POSTN: variants seen among roughly 807,000 people sequenced by gnomAD.
POSTN encodes osteoblast specific factor 2 (fasciclin I-like).
Under a neutral mutation model 104.5 loss-of-function variants are expected in POSTN, and 71 were observed. The observed-to-expected ratio is 0.68, with a 90% CI of 0.56 to 0.83. POSTN has a LOEUF of 0.83. Among genes scored for constraint, POSTN ranks in the 40% least tolerant of loss-of-function variants. The probability of loss-of-function intolerance (pLI) is 0.00; values close to 1 mark genes in which losing one functional copy is unlikely to be tolerated. For synonymous variants in POSTN, 355 were observed against 340.7 expected, an observed-to-expected ratio of 1.04 and a Z score of -0.46; for missense variants, 949 against 1,006.8, an observed-to-expected ratio of 0.94 and a Z score of 0.78.
rs774768214 is a variant in POSTN at position 37,579,860 on chromosome 13, C to T, written c.1660+1G>A. The T allele has an allele frequency of 8.1e-6, 13 of 1,606,898 alleles. No homozygotes were observed. Among genetic ancestry groups the T allele is most frequent in the African/African-American group, 5.4e-5 (4 of 74,468 alleles). ...AATATCTGGAATTCACTTCCACTTA[C>T]GTATCAGAATTTCTTTTTCTTCACT... On this transcript the variant is annotated splice_donor_variant, in intron 12 of 22. Coordinates refer to ENST00000379747, the MANE Select transcript of POSTN (RefSeq NM_006475.3). LOFTEE classifies it high-confidence loss of function.
At chr13:37,590,328 A>G in intron 4 of POSTN, 44 bp downstream of exon 4, 4 of 1,435,482 alleles carry the variant, frequency 2.8e-6, no homozygotes, top group Non-Finnish European at 3.8e-6. Flanking sequence ...ATGAAATAAC[A>G]ATAACAGCAA....
chr13:37,590,403 G>T lies in POSTN; in HGVS notation c.410C>A (p.Pro137Gln). 1.3e-6 allele frequency: 2 copies of T among 1,597,718 alleles called. No individual in the cohort carries two copies. The highest frequency in any genetic ancestry group is 1.7e-6 in the Non-Finnish European group (2 of 1,171,008). ...EGKGSFTYFAPSNEAWDNLDS... is the reference protein window; with the variant it reads ...EGKGSFTYFAQSNEAWDNLDS... Reference sequence around the variant, plus strand: ...CAAGTTGTCCCAAGCCTCATTACTCGGTGCAAAGTAAGTGAAGGATCCCTT... The same window carrying T: ...CAAGTTGTCCCAAGCCTCATTACTCTGTGCAAAGTAAGTGAAGGATCCCTT... The change falls in exon 4 of 23, where the codon CCG becomes CAG. Residue 137 changes from proline (P) to glutamine (Q), a missense_variant. Physicochemically the swap from Pro to Gln is moderately conservative, Grantham distance 76. Transcript: ENST00000379747.
chr13:37,591,996 G>T, intron 3 of POSTN, 104 bp downstream of exon 3: 2 of 658,262 alleles, frequency 3.0e-6, no homozygotes, highest in Admixed American at 5.5e-5. Flanking sequence ...CTTGGATTTA[G>T]GATGGTGCTG....
intron 2 of POSTN, among the ~76,000 whole-genome samples, chr13:37,593,071 GTTTAT>G (rs1294329780): frequency 9.3e-5 from 14 of 150,840 alleles, no homozygotes; most frequent in Admixed American, 3.3e-4. Flanking sequence ...ATCTAAGTAA[GTTTAT>G]TTTAATATTA....
chr13:37,580,644 G>A lies in POSTN; in HGVS notation c.1446C>T (p.Asn482=), dbSNP rs147888983. 1.2e-6 allele frequency: 2 copies of A among 1,613,976 alleles called. No homozygotes were observed. Among genetic ancestry groups the A allele is most frequent in the Non-Finnish European group, 1.7e-6 (2 of 1,179,946 alleles). ...TCTCGCGGAATATGTGAATCGCACC[G>A]TTTCTCCCTTGCTTACTCCCTTTCT... ...CMEKGSKQGR[N]GAIHIFREII... Residue 482 remains asparagine (N), a synonymous_variant, in exon 11 of 23, where the codon AAC becomes AAT. Transcript: ENST00000379747.
chr13:37,577,843 G>A (rs1950458752), intron 15 of POSTN, 45 bp from the exon 16 acceptor site: 7 of 1,609,674 alleles, frequency 4.3e-6, no homozygotes, highest in Non-Finnish European at 5.1e-6. Context: ...GGTGATAGTT[G>A]TGTTAACAAA....
At chr13:37,578,433 T>G (rs1372400974) in intron 15 of POSTN, among the ~76,000 whole-genome samples, 1 of 152,180 alleles carries the variant, frequency 6.6e-6, no homozygotes, top group Non-Finnish European at 1.5e-5. Flanking sequence ...ACATACTTAC[T>G]TATTAATGCG....
At chr13:37,575,280 T>C (rs1158177066) in intron 16 of POSTN, among the ~76,000 whole-genome samples, 1 of 143,640 alleles carries the variant, frequency 7.0e-6, no homozygotes, top group East Asian at 2.0e-4. Flanking sequence ...TCACTATCCT[T>C]TTTTTTTTTT....
chr13:37,596,564 T>C (rs547606603), intron 2 of POSTN, among the ~76,000 whole-genome samples: 3 of 152,308 alleles, frequency 2.0e-5, no homozygotes, highest in East Asian at 3.9e-4. Flanking sequence ...CTTTGGGCTA[T>C]TGAGATATTA....
rs1300692394 is a variant in POSTN at position 37,577,304 on chromosome 13, C to T, written c.2008+449G>A. 2.0e-5 allele frequency among the ~76,000 whole-genome samples: 3 copies of T among 152,096 alleles called. No homozygotes were observed. The East Asian group carries it at 5.8e-4, about 29-fold the overall frequency. On this transcript the variant is annotated intron_variant, in intron 16 of 22. Transcript: ENST00000379747. The stretch of plus-strand genomic sequence containing the variant: ...TTTGGATGGGAGAGTTTTTGAACTG[C>T]CACCTTATAAACATTGGTATTCTTC...
chr13:37,596,202 T>G (rs964140943), intron 2 of POSTN, among the ~76,000 whole-genome samples: 1 of 152,200 alleles, frequency 6.6e-6, no homozygotes, highest in South Asian at 2.1e-4. Context: ...GCTGATGTAT[T>G]AAGCAGGTTC....
intron 1 of POSTN, among the ~76,000 whole-genome samples, chr13:37,598,118 A>C (rs1951136786): frequency 6.6e-6 from 1 of 152,206 alleles, no homozygotes; most frequent in Admixed American, 6.5e-5. Flanking sequence ...TTTAAAAGTA[A>C]CTTAAATGCT....
chr13:37,577,864 C>T (rs1950459992), intron 15 of POSTN, 66 bp from the exon 16 acceptor site: 3 of 1,594,268 alleles, frequency 1.9e-6, no homozygotes, highest in Non-Finnish European at 2.6e-6. Context: ...ACCATGGCAC[C>T]ACTTTAATTC....
chr13:37,584,615 T>C, intron 8 of POSTN, 101 bp downstream of exon 8: 1 of 956,870 alleles, frequency 1.0e-6, no homozygotes, highest in Non-Finnish European at 1.6e-6. Context: ...CCATTCTTTA[T>C]ACTGCACATT....
chr13:37,579,165 G>C (rs781004245), intron 13 of POSTN, 44 bp from the exon 14 acceptor site: 15 of 1,601,932 alleles, frequency 9.4e-6, no homozygotes, highest in Admixed American at 8.4e-5. Context: ...TTTCATTAAG[G>C]ATGAATATTT....
At chr13:37,568,225 A>G (rs924462988) in intron 21 of POSTN, among the ~76,000 whole-genome samples, 4 of 152,056 alleles carry the variant, frequency 2.6e-5, no homozygotes, top group Admixed American at 6.6e-5. Flanking sequence ...ATATATTTCT[A>G]TTGAGGGAAA....
In POSTN at chr13:37,573,796, T is replaced by C. The variant is rs572951917; in HGVS notation, c.2089+776A>G. Among the ~76,000 whole-genome samples, 3 of 151,642 alleles carry C rather than the reference T, an allele frequency of 2.0e-5. No homozygotes were observed. In the South Asian group the frequency reaches 6.2e-4, roughly 31 times the overall value. On this transcript the variant is annotated intron_variant, in intron 17 of 22. Transcript: ENST00000379747. ...TCTTAAAAAATTTAAATTGTGATCCTTGGACATAATTAAAATACATGAAAT... is the reference window on the plus strand; with the variant it reads ...TCTTAAAAAATTTAAATTGTGATCCCTGGACATAATTAAAATACATGAAAT...
chr13:37,588,044 T>A, intron 4 of POSTN, 58 bp from the exon 5 acceptor site: 2 of 1,346,932 alleles, frequency 1.5e-6, no homozygotes, highest in Non-Finnish European at 2.1e-6. Flanking sequence ...GTAAAAGTCT[T>A]ACGATCACCC....
chr13:37,577,666 C>T, intron 16 of POSTN, 87 bp downstream of exon 16: 4 of 1,505,578 alleles, frequency 2.7e-6, no homozygotes, highest in Non-Finnish European at 3.6e-6. Context: ...ACCAGATTAT[C>T]AATAATCTCT....
Sources: gnomAD v4.1 joint callset for allele counts (sites outside exome capture counted in the v4.1 genomes callset) on GRCh38, gnomAD v4.1.1 for gene constraint, MANE v1.5 for transcripts, NCBI Gene and HGNC (gene_info 2026-07-23, HGNC 2026-07-21) for gene names.